The following ACOT7 variants were observed in gnomAD, a reference collection of about 807,000 sequenced individuals.
ACOT7 encodes cytosolic acyl coenzyme A thioester hydrolase.
In ACOT7, 12 loss-of-function variants were observed where a neutral mutation model predicts 40.2. That is an observed-to-expected ratio of 0.30 (90% CI 0.19 to 0.48). The LOEUF is 0.48. Among genes scored for constraint, ACOT7 ranks in the 20% least tolerant of loss-of-function variants. ACOT7 has a pLI of 0.99. For synonymous variants in ACOT7, 228 were observed against 219.5 expected (o/e 1.04, Z -0.34); for missense variants, 395 against 530.8 (o/e 0.74, Z 2.51).
At chr1:6,324,695 C>G (rs1051179135) in intron 5 of ACOT7, among the ~76,000 whole-genome samples, 6 of 152,200 alleles carry the variant, frequency 3.9e-5, no homozygotes, top group Non-Finnish European at 7.3e-5. Context: ...CATGTTCCAT[C>G]CAACCCTCTC....
intron 3 of ACOT7, among the ~76,000 whole-genome samples, chr1:6,337,111 C>T (rs573892038): frequency 6.6e-6 from 1 of 152,368 alleles, no homozygotes; most frequent in South Asian, 2.1e-4. Context: ...CCAAGCCTCA[C>T]GCGCACGACA....
chr1:6,347,970 T>C (rs1349481515), intron 2 of ACOT7, among the ~76,000 whole-genome samples: 1 of 152,022 alleles, frequency 6.6e-6, no homozygotes, highest in Non-Finnish European at 1.5e-5. Context: ...CTCCCCATCT[T>C]GGGGACTTTT....
In ACOT7 at chr1:6,307,462, G is replaced by A. The variant is rs540069856; in HGVS notation, c.712+11030C>T. Among the ~76,000 whole-genome samples, 71 of 152,290 alleles carry A rather than the reference G, an allele frequency of 4.7e-4. 1 individual carries two copies. In the South Asian group the frequency reaches 0.012, roughly 26 times the overall value. On this transcript the variant is annotated intron_variant, in intron 6 of 8. Transcript: ENST00000361521. ...CACAGGAAAGTGTGTCAGGAGTGAT[G>A]GTGCCTTGGAATAAAAAGTAAGCTG...
chr1:6,346,591 T>C (rs1641430545), intron 2 of ACOT7, among the ~76,000 whole-genome samples: 1 of 152,156 alleles, frequency 6.6e-6, no homozygotes, highest in African/African-American at 2.4e-5. Flanking sequence ...GGACGTGCCT[T>C]TGGCTTTGGG....
At chr1:6,335,654 C>T (rs951925365) in intron 3 of ACOT7, among the ~76,000 whole-genome samples, 5 of 152,198 alleles carry the variant, frequency 3.3e-5, no homozygotes, top group South Asian at 2.1e-4. Context: ...CCTGAACCTG[C>T]CTCCCCAAGG....
chr1:6,391,293 G>C (rs531962189), intron 1 of ACOT7, among the ~76,000 whole-genome samples: 3 of 152,052 alleles, frequency 2.0e-5, no homozygotes, highest in Admixed American at 6.5e-5. Context: ...ATCACCTGAG[G>C]TCAGGAGTTC....
intron 6 of ACOT7, among the ~76,000 whole-genome samples, chr1:6,313,694 T>C (rs1278930818): frequency 6.6e-6 from 1 of 152,026 alleles, no homozygotes; most frequent in African/African-American, 2.4e-5. Context: ...AGGCAACATG[T>C]GGCTCACCAA....
At chr1:6,345,497 T>C (rs1168549213) in intron 2 of ACOT7, among the ~76,000 whole-genome samples, 2 of 152,222 alleles carry the variant, frequency 1.3e-5, no homozygotes, top group Non-Finnish European at 2.9e-5. Context: ...CCCAACAGGC[T>C]GCTGCAGAGA....
At chr1:6,350,581 G>A (rs1641563289) in intron 1 of ACOT7, among the ~76,000 whole-genome samples, 3 of 152,252 alleles carry the variant, frequency 2.0e-5, no homozygotes, top group Admixed American at 2.0e-4. Flanking sequence ...AGCCAGCTTG[G>A]CAGTCCTGCC....
rs568048195 is a variant in ACOT7 at position 6,278,114 on chromosome 1, G to A, written c.1014+2988C>T. ...TGGTTGGGAGGGGGTCTGGGGTGGCGGAGGCGACGCTTCTCTAGAGCGGTT... is the reference window on the plus strand; with the variant it reads ...TGGTTGGGAGGGGGTCTGGGGTGGCAGAGGCGACGCTTCTCTAGAGCGGTT... On this transcript the variant is annotated intron_variant, in intron 8 of 8. Coordinates refer to ENST00000361521, the MANE Select transcript of ACOT7 (RefSeq NM_007274.4). The surrounding 1 kb of genome is among the most constrained non-coding windows in gnomAD (Gnocchi z 4.1). Among the ~76,000 whole-genome samples the A allele has an allele frequency of 2.0e-5, 3 of 152,166 alleles. No individual in the cohort carries two copies. Among genetic ancestry groups the A allele is most frequent in the South Asian group, 2.1e-4 (1 of 4,814 alleles).
At chr1:6,375,961 A>T (rs528321008) in intron 1 of ACOT7, among the ~76,000 whole-genome samples, 137 of 151,204 alleles carry the variant, frequency 9.1e-4, no homozygotes, top group African/African-American at 2.2e-3. Flanking sequence ...AAATTTTTTT[A>T]AATTAGCCAG....
intron 7 of ACOT7, among the ~76,000 whole-genome samples, chr1:6,286,825 G>T (rs190444290): frequency 6.6e-6 from 1 of 152,320 alleles, no homozygotes; most frequent in African/African-American, 2.4e-5. Context: ...TCAACTGCCC[G>T]CATTCATTAT....
intron 1 of ACOT7, among the ~76,000 whole-genome samples, chr1:6,357,446 C>A (rs1369131075): frequency 6.6e-6 from 1 of 152,158 alleles, no homozygotes; most frequent in Non-Finnish European, 1.5e-5. Context: ...CCCCTTCTGA[C>A]AAAGGCCTCA....
chr1:6,334,091 T>C (rs547601938), intron 3 of ACOT7, among the ~76,000 whole-genome samples: 1 of 152,180 alleles, frequency 6.6e-6, no homozygotes, highest in African/African-American at 2.4e-5. Context: ...TGAAAACACA[T>C]CAGAGGCTCC....
chr1:6,354,352 C>G (rs1641679247), intron 1 of ACOT7, among the ~76,000 whole-genome samples: 1 of 151,880 alleles, frequency 6.6e-6, no homozygotes, highest in South Asian at 2.1e-4. Flanking sequence ...GAGAAGGCTA[C>G]GAGGAGAGGG....
At chr1:6,348,791 C>G (rs1641505566) in intron 2 of ACOT7, among the ~76,000 whole-genome samples, 1 of 152,230 alleles carries the variant, frequency 6.6e-6, no homozygotes, top group Non-Finnish European at 1.5e-5. Flanking sequence ...CCAGCAGCCA[C>G]TTCCTGCATC....
intron 4 of ACOT7, among the ~76,000 whole-genome samples, chr1:6,329,711 G>A (rs1370821993): frequency 6.6e-6 from 1 of 152,010 alleles, no homozygotes; most frequent in African/African-American, 2.4e-5. Flanking sequence ...ACCCCCGAGA[G>A]CTCATCAAAC....
intron 8 of ACOT7, among the ~76,000 whole-genome samples, chr1:6,267,267 G>A (rs772636318): frequency 1.3e-5 from 2 of 152,358 alleles, no homozygotes; most frequent in Non-Finnish European, 1.5e-5. Flanking sequence ...GTCCCCAAGT[G>A]CCTGAGTCCC....
At chr1:6,347,060 C>T (rs1191196266) in intron 2 of ACOT7, among the ~76,000 whole-genome samples, 1 of 152,160 alleles carries the variant, frequency 6.6e-6, no homozygotes, top group Non-Finnish European at 1.5e-5. Flanking sequence ...CAGCCAGAGA[C>T]AGAACCTTGG....
Sources: gnomAD v4.1 joint callset for allele counts (sites outside exome capture counted in the v4.1 genomes callset) on GRCh38, gnomAD v4.1.1 for gene constraint, Gnocchi (gnomAD v3.1) non-coding constraint, MANE v1.5 for transcripts, NCBI Gene and HGNC (gene_info 2026-07-23, HGNC 2026-07-21) for gene names.